SLC22A2: variants seen among roughly 807,000 people sequenced by gnomAD.
SLC22A2 encodes solute carrier family 22 member 2.
A neutral mutation model predicts 60.5 loss-of-function variants in SLC22A2; 46 were observed. That is an observed-to-expected ratio of 0.76 (90% CI 0.60 to 0.97). The LOEUF (loss-of-function observed/expected upper bound fraction) is 0.97. Ranked by LOEUF, SLC22A2 falls within the 50% of genes least tolerant of loss-of-function variation. The pLI, the probability that SLC22A2 is intolerant of heterozygous loss-of-function variation, is 0.00. For synonymous variants in SLC22A2, 303 were observed against 267.0 expected (o/e 1.13, Z -1.31); for missense variants, 701 against 706.6 (o/e 0.99, Z 0.09).
chr6:160,237,815 C>A, intron 9 of SLC22A2, among the ~76,000 whole-genome samples: 1 of 152,130 alleles, frequency 6.6e-6, no homozygotes. Flanking sequence ...GTCATAAAGA[C>A]CTTGCTGATC....
chr6:160,223,369 A>AT (rs971406016), intron 10 of SLC22A2, among the ~76,000 whole-genome samples: 10 of 152,224 alleles, frequency 6.6e-5, no homozygotes, highest in African/African-American at 1.9e-4. Flanking sequence ...GTTCTTGTAT[A>AT]TTTTTCCAGA....
Position 160,258,659 on chromosome 6 carries a change from G to A in SLC22A2, c.99C>T (p.Phe33=), listed in dbSNP as rs568261775. ...AGACGATGCCCACGTAGATGGGCGC[G>A]AAGGTAGCCGAGAGCAGAGCCAAGA... ...FFLLALLSAT[F]APIYVGIVFL... Residue 33 remains phenylalanine (F), a synonymous_variant, in exon 1 of 11, where the codon TTC becomes TTT. Coordinates refer to ENST00000366953, the MANE Select transcript of SLC22A2 (RefSeq NM_003058.4). 51 of 1,613,548 alleles carry A rather than the reference G, an allele frequency of 3.2e-5. 2 individuals are homozygous for A. The South Asian group carries it at 3.6e-4, about 11-fold the overall frequency.
chr6:160,243,052 A>G (rs1783035978), intron 7 of SLC22A2, among the ~76,000 whole-genome samples: 1 of 152,228 alleles, frequency 6.6e-6, no homozygotes, highest in South Asian at 2.1e-4. Flanking sequence ...ACAACTGCTA[A>G]TAACAAAAGG....
intron 10 of SLC22A2, among the ~76,000 whole-genome samples, chr6:160,218,903 G>T (rs980343016): frequency 3.9e-4 from 1 of 2,564 alleles, no homozygotes; most frequent in African/African-American, 2.2e-3. Flanking sequence ...AACAGAAGTC[G>T]CAGCAATAAC....
At position 160,224,788 on chromosome 6, in the gene SLC22A2, A is replaced by T. The variant is rs1782696950; in HGVS notation, c.1518T>A (p.Val506=). Residue 506 remains valine, a synonymous_variant, in exon 10 of 11, where the codon GTT becomes GTA. Coordinates refer to ENST00000366953, the MANE Select transcript of SLC22A2 (RefSeq NM_003058.4). ...PLMVFGVLGL[V]AGGLVLLLPE... ...GAAGCAACAGCACCAGACCTCCAGCAACCAAGCCAAGCACGCCTGAAAGCC... is the reference window on the plus strand; with the variant it reads ...GAAGCAACAGCACCAGACCTCCAGCTACCAAGCCAAGCACGCCTGAAAGCC... 1 of 1,597,782 alleles carries T rather than the reference A, an allele frequency of 6.3e-7. No homozygotes were observed. Among genetic ancestry groups the T allele is most frequent in the African/African-American group, 1.3e-5 (1 of 74,658 alleles).
At chr6:160,258,267 G>A (rs1783308549) in intron 1 of SLC22A2, 77 bp downstream of exon 1, 2 of 1,479,718 alleles carry the variant, frequency 1.4e-6, no homozygotes, top group South Asian at 2.6e-5. Context: ...TATAAGAGCC[G>A]GGCCTTCCCT....
intron 9 of SLC22A2, among the ~76,000 whole-genome samples, chr6:160,226,671 A>T (rs1210736666): frequency 2.0e-5 from 3 of 152,158 alleles, no homozygotes; most frequent in Non-Finnish European, 2.9e-5. Context: ...CTGATTCTCG[A>T]ATCATTCTTT....
rs149345267 is a variant in SLC22A2 at position 160,234,384 on chromosome 6, C to T, written c.1501+7090G>A. Among the ~76,000 whole-genome samples, 666 of 152,300 alleles carry T rather than the reference C, an allele frequency of 4.4e-3. 6 individuals carry two copies. The highest frequency in any genetic ancestry group is 0.015 in the African/African-American group (638 of 41,554). On this transcript the variant is annotated intron_variant, in intron 9 of 10. Coordinates refer to ENST00000366953, the MANE Select transcript of SLC22A2 (RefSeq NM_003058.4). ...ATAGGACTGCTGGAAAAGATCCCTTCGCTACCGACAAGTGGTCACCTGAAC... is the reference window on the plus strand; with the variant it reads ...ATAGGACTGCTGGAAAAGATCCCTTTGCTACCGACAAGTGGTCACCTGAAC...
At chr6:160,219,719 T>C (rs1782617231) in intron 10 of SLC22A2, among the ~76,000 whole-genome samples, 1 of 152,086 alleles carries the variant, frequency 6.6e-6, no homozygotes, top group African/African-American at 2.4e-5. Context: ...GGGATTCACT[T>C]CCAGACTACC....
At chr6:160,254,638 A>G (rs1235366244) in intron 2 of SLC22A2, among the ~76,000 whole-genome samples, 1 of 152,188 alleles carries the variant, frequency 6.6e-6, no homozygotes, top group Non-Finnish European at 1.5e-5. Context: ...TAGGCTTCTC[A>G]CTCCTGCATG....
intron 9 of SLC22A2, among the ~76,000 whole-genome samples, chr6:160,239,899 G>A (rs1782970734): frequency 6.6e-6 from 1 of 152,154 alleles, no homozygotes; most frequent in African/African-American, 2.4e-5. Flanking sequence ...TTTGCTGGCA[G>A]ATCTAGAGTG....
intron 5 of SLC22A2, among the ~76,000 whole-genome samples, chr6:160,246,495 C>T (rs1028718225): frequency 3.3e-5 from 5 of 152,102 alleles, no homozygotes; most frequent in Non-Finnish European, 7.4e-5. Flanking sequence ...GCCTGTAATC[C>T]CAGCACTTTG....
chr6:160,249,501 C>T (rs316017), intron 3 of SLC22A2, 117 bp from the exon 4 acceptor site: 592,495 of 775,010 alleles, frequency 0.76, 228,688 homozygotes, highest in Admixed American at 0.85. Context: ...GAATATTCTA[C>T]GCAACTCTCT....
intron 9 of SLC22A2, among the ~76,000 whole-genome samples, chr6:160,226,486 C>T (rs990306891): frequency 7.2e-5 from 11 of 152,140 alleles, no homozygotes; most frequent in East Asian, 1.9e-4. Context: ...CAGTCAAATG[C>T]GGCCAACTGT....
intron 2 of SLC22A2, among the ~76,000 whole-genome samples, chr6:160,254,737 G>A (rs1241963968): frequency 6.6e-6 from 1 of 151,466 alleles, no homozygotes; most frequent in Non-Finnish European, 1.5e-5. Context: ...GCCTTTGGGG[G>A]AAGAATAATG....
chr6:160,237,170 T>C (rs1399648422), intron 9 of SLC22A2, among the ~76,000 whole-genome samples: 1 of 152,180 alleles, frequency 6.6e-6, no homozygotes, highest in Non-Finnish European at 1.5e-5. Context: ...ATTCCTGCAG[T>C]TCAGAAGAAA....
rs769131249 is a variant in SLC22A2, at chr6:160,242,298, T to C, written c.1384A>G (p.Ile462Val). 2 of 1,553,578 alleles carry C rather than the reference T, an allele frequency of 1.3e-6. No individual in the cohort carries two copies. The highest frequency in any genetic ancestry group is 1.8e-6 in the Non-Finnish European group (2 of 1,124,684). The change falls in exon 8 of 11, where the codon ATT (isoleucine) becomes GTT (valine). Residue 462 changes from isoleucine (I) to valine (V), a missense_variant. Transcript: ENST00000366953. ...TTCTAAGGAAAATGCACTCACCTAA[T>C]GAATGTGGGGTACAGCTCAGCATTG... is the stretch of plus-strand genomic sequence containing the variant. ...LVNAELYPTFIRNLGVHICSS... is the reference protein window; with the variant it reads ...LVNAELYPTFVRNLGVHICSS...
intron 8 of SLC22A2, 79 bp from the exon 9 acceptor site, chr6:160,241,665 C>G (rs922687502): frequency 4.6e-6 from 4 of 869,316 alleles, no homozygotes; most frequent in Non-Finnish European, 7.6e-6. Flanking sequence ...TGAATAAACA[C>G]TTCCTCAAAT....
chr6:160,239,173 C>G (rs1782959400), intron 9 of SLC22A2, among the ~76,000 whole-genome samples: 1 of 152,134 alleles, frequency 6.6e-6, no homozygotes, highest in Admixed American at 6.5e-5. Flanking sequence ...ACACTCCCAC[C>G]AGCACCATGA....
Sources: allele counts gnomAD v4.1 joint callset (sites outside exome capture counted in the v4.1 genomes callset), GRCh38; gene constraint gnomAD v4.1.1; transcripts MANE v1.5; gene names NCBI Gene and HGNC (gene_info 2026-07-23, HGNC 2026-07-21).